LINGO2: variants seen among roughly 807,000 people sequenced by gnomAD.
LINGO2 encodes the protein leucine-rich repeat and immunoglobulin-like domain-containing nogo receptor-interacting protein 2.
Under a neutral mutation model 30.6 loss-of-function variants are expected in LINGO2, and 14 were observed. The observed-to-expected ratio is 0.46, with a 90% CI of 0.30 to 0.72. The LOEUF is 0.72. Ranked by LOEUF, LINGO2 falls within the 30% of genes least tolerant of loss-of-function variation. The pLI is 0.07. For missense variants in LINGO2, 729 were observed against 751.7 expected (o/e 0.97, Z 0.35); for synonymous variants, 317 against 288.5 (o/e 1.10, Z -1.00).
chr9:28,841,975 G>A, the LINGO2 span, among the ~76,000 whole-genome samples: 2 of 151,744 alleles, frequency 1.3e-5, no homozygotes, highest in Non-Finnish European at 2.9e-5. Flanking sequence ...TGAATCATGT[G>A]TCTTGTGGTT....
chr9:28,555,558 T>C (rs1322578422), intron 1 of LINGO2, among the ~76,000 whole-genome samples: 7 of 152,182 alleles, frequency 4.6e-5, no homozygotes, highest in Non-Finnish European at 7.4e-5. Context: ...AGCCGACTTC[T>C]ACCAGAGGTA....
At chr9:28,708,572 C>T in the LINGO2 span, among the ~76,000 whole-genome samples, 1 of 152,066 alleles carries the variant, frequency 6.6e-6, no homozygotes, top group South Asian at 2.1e-4. Flanking sequence ...TCCAGTGGAA[C>T]AGTATTCATA....
intron 4 of LINGO2, among the ~76,000 whole-genome samples, chr9:28,132,379 G>A (rs777268942): frequency 2.6e-5 from 4 of 151,866 alleles, no homozygotes; most frequent in Non-Finnish European, 4.4e-5. Context: ...AACCTTTTAC[G>A]TAGCTTAATG....
the LINGO2 span, among the ~76,000 whole-genome samples, chr9:28,928,860 T>C: frequency 6.6e-6 from 1 of 152,120 alleles, no homozygotes; most frequent in Non-Finnish European, 1.5e-5. Flanking sequence ...GTATGTGAGC[T>C]CAAGTGAGCT....
At chr9:28,258,841 T>C (rs553513490) in intron 4 of LINGO2, among the ~76,000 whole-genome samples, 1 of 152,022 alleles carries the variant, frequency 6.6e-6, no homozygotes, top group Non-Finnish European at 1.5e-5. Flanking sequence ...CCAAGAGGAA[T>C]TGCTTTTTCT....
the LINGO2 span, among the ~76,000 whole-genome samples, chr9:28,758,492 T>A: frequency 6.6e-6 from 1 of 152,212 alleles, no homozygotes; most frequent in African/African-American, 2.4e-5. Flanking sequence ...GTATAAAGCC[T>A]GTTACTAAAC....
At chr9:29,078,044 A>C in the LINGO2 span, among the ~76,000 whole-genome samples, 2 of 151,610 alleles carry the variant, frequency 1.3e-5, no homozygotes, top group Admixed American at 1.3e-4. Flanking sequence ...AGATTTGAAA[A>C]CTCCTTTAGT....
chr9:28,152,744 A>AAAAAAT (rs774858572), intron 4 of LINGO2, among the ~76,000 whole-genome samples: 55 of 152,342 alleles, frequency 3.6e-4, no homozygotes, highest in Admixed American at 6.5e-4. Context: ...ATTAAATGTA[A>AAAAAAT]AAAAATAAAA....
intron 4 of LINGO2, among the ~76,000 whole-genome samples, chr9:28,258,753 T>C (rs933945853): frequency 7.9e-5 from 12 of 151,946 alleles, no homozygotes; most frequent in African/African-American, 2.9e-4. Flanking sequence ...ATATTATTTT[T>C]ACCCTTCTTA....
chr9:28,464,548 G>A (rs1417600622), intron 2 of LINGO2, among the ~76,000 whole-genome samples: 2 of 152,166 alleles, frequency 1.3e-5, no homozygotes, highest in Non-Finnish European at 2.9e-5. Context: ...TGAAAGCCAT[G>A]TGTTTGTGGA....
intron 4 of LINGO2, among the ~76,000 whole-genome samples, chr9:28,032,414 T>G (rs1470327631): frequency 6.6e-6 from 1 of 152,148 alleles, no homozygotes; most frequent in Non-Finnish European, 1.5e-5. Context: ...GATTCCTGTC[T>G]TTGTCAACAT....
intron 3 of LINGO2, among the ~76,000 whole-genome samples, chr9:28,312,445 C>T (rs7859030): frequency 0.98 from 148,428 of 152,114 alleles, 72,518 homozygotes; most frequent in Middle Eastern, 1. Context: ...GAAAAAATCA[C>T]GAAAATTTAA....
chr9:29,036,941 T>C, the LINGO2 span, among the ~76,000 whole-genome samples: 3 of 152,098 alleles, frequency 2.0e-5, no homozygotes, highest in East Asian at 1.9e-4. Context: ...ATTAAGGTTT[T>C]TCTTAGTAAC....
chr9:27,947,181 A>T (rs896933388), downstream of LINGO2, among the ~76,000 whole-genome samples: 12 of 152,220 alleles, frequency 7.9e-5, no homozygotes, highest in Non-Finnish European at 1.8e-4. Context: ...AACACAGTCC[A>T]CATTCAATTC....
the LINGO2 span, among the ~76,000 whole-genome samples, chr9:29,207,233 A>T: frequency 6.6e-6 from 1 of 152,064 alleles, no homozygotes; most frequent in Non-Finnish European, 1.5e-5. Flanking sequence ...TTGTTAAGAA[A>T]ATAAAGGCAC....
chr9:28,511,300 T>A (rs1490132951), intron 1 of LINGO2, among the ~76,000 whole-genome samples: 1 of 152,136 alleles, frequency 6.6e-6, no homozygotes, highest in Non-Finnish European at 1.5e-5. Flanking sequence ...AGGTCCAATA[T>A]AATCAACCTG....
the LINGO2 span, among the ~76,000 whole-genome samples, chr9:28,889,778 C>T: frequency 2.6e-5 from 4 of 151,996 alleles, no homozygotes; most frequent in African/African-American, 9.7e-5. Context: ...GACTCTAGCT[C>T]TAACGTTCTA....
chr9:28,383,754 G>A (rs897169172), intron 2 of LINGO2, among the ~76,000 whole-genome samples: 1 of 152,136 alleles, frequency 6.6e-6, no homozygotes, highest in Admixed American at 6.6e-5. Flanking sequence ...GGTGCTTAGA[G>A]AAGGGGAGTT....
chr9:29,173,748 C>T, the LINGO2 span, among the ~76,000 whole-genome samples: 1 of 151,946 alleles, frequency 6.6e-6, no homozygotes, highest in African/African-American at 2.4e-5. Flanking sequence ...AAACTACTTA[C>T]ATAGATAAAC....
Sources: allele counts gnomAD v4.1 joint callset (sites outside exome capture counted in the v4.1 genomes callset), GRCh38; gene constraint gnomAD v4.1.1; transcripts MANE v1.5; gene names NCBI Gene and HGNC (gene_info 2026-07-23, HGNC 2026-07-21).